The following GPD2 variants were observed in gnomAD, a reference collection of about 807,000 sequenced individuals.
The protein encoded by GPD2 is glycerol-3-phosphate dehydrogenase 2, also known as glycerol-3-phosphate dehydrogenase, mitochondrial.
GPD2 carries 54 observed loss-of-function variants against 82.4 expected under a neutral mutation model. The observed-to-expected ratio is 0.66, with a 90% CI of 0.53 to 0.82. GPD2 has a LOEUF of 0.82. Among genes scored for constraint, GPD2 ranks in the 40% least tolerant of loss-of-function variants. The pLI is 0.00. For missense variants in GPD2, 748 were observed against 896.2 expected (o/e 0.83, Z 2.11); for synonymous variants, 288 against 306.1 (o/e 0.94, Z 0.62).
At chr2:156,574,637 G>A (rs1030088371) in intron 13 of GPD2, among the ~76,000 whole-genome samples, 3 of 151,804 alleles carry the variant, frequency 2.0e-5, no homozygotes, top group African/African-American at 7.3e-5. Flanking sequence ...AAAAATGGGA[G>A]GCATGTGAAG....
chr2:156,581,328 T>A (rs1688016882), intron 16 of GPD2, among the ~76,000 whole-genome samples: 1 of 152,156 alleles, frequency 6.6e-6, no homozygotes, highest in Admixed American at 6.6e-5. Context: ...TCTTGTAATA[T>A]GGTTTCTAGA....
At chr2:156,478,256 C>T (rs543056600) in intron 2 of GPD2, among the ~76,000 whole-genome samples, 2 of 152,214 alleles carry the variant, frequency 1.3e-5, no homozygotes, top group South Asian at 4.2e-4. Context: ...TTTTATCTTT[C>T]CTGAGTTAGA....
intron 6 of GPD2, among the ~76,000 whole-genome samples, chr2:156,541,824 G>GGTTT (rs368922459): frequency 1.2e-5 from 1 of 81,466 alleles, no homozygotes; most frequent in Non-Finnish European, 2.2e-5. Context: ...AATGCTGTTT[G>GGTTT]TTTTTTTTTT....
intron 9 of GPD2, 62 bp downstream of exon 9, chr2:156,557,644 C>G: frequency 1.1e-6 from 1 of 899,718 alleles, no homozygotes; most frequent in Non-Finnish European, 1.9e-6. Context: ...CATTCCAGCT[C>G]TCACTGGATA....
intron 2 of GPD2, among the ~76,000 whole-genome samples, chr2:156,480,811 C>T (rs1175368182): frequency 7.0e-6 from 1 of 142,146 alleles, no homozygotes; most frequent in East Asian, 2.1e-4. Context: ...GAGTTTCACT[C>T]TTGTTGCCCA....
chr2:156,419,383 A>T, the GPD2 span, among the ~76,000 whole-genome samples: 1 of 152,198 alleles, frequency 6.6e-6, no homozygotes, highest in Non-Finnish European at 1.5e-5. Context: ...CTAAGCTCCA[A>T]CAACTGTGAA....
chr2:156,575,147 C>T (rs530449063), intron 13 of GPD2, among the ~76,000 whole-genome samples: 41 of 152,190 alleles, frequency 2.7e-4, no homozygotes, highest in Non-Finnish European at 4.6e-4. Context: ...CTTTAAAATA[C>T]TGTAGCAAAT....
intron 1 of GPD2, among the ~76,000 whole-genome samples, chr2:156,458,416 G>A (rs1450206972): frequency 6.6e-6 from 1 of 152,186 alleles, no homozygotes; most frequent in Non-Finnish European, 1.5e-5. Context: ...AAATCCCCGA[G>A]GGGCTGTAAT....
At chr2:156,416,473 GAGAAGCTA>G in the GPD2 span, among the ~76,000 whole-genome samples, 145 of 149,686 alleles carry the variant, frequency 9.7e-4, no homozygotes, top group African/African-American at 3.4e-3. Flanking sequence ...TCAGTCTCCT[GAGAAGCTA>G]GGACTACAGG....
At chr2:156,581,148 A>C (rs1688009736) in intron 16 of GPD2, among the ~76,000 whole-genome samples, 2 of 152,082 alleles carry the variant, frequency 1.3e-5, no homozygotes, top group South Asian at 4.1e-4. Flanking sequence ...AACTATCTGC[A>C]GGTTTTCTTG....
At chr2:156,409,520 A>ACC in the GPD2 span, among the ~76,000 whole-genome samples, 1 of 150,706 alleles carries the variant, frequency 6.6e-6, no homozygotes, top group African/African-American at 2.4e-5. Context: ...ACATAGGCAG[A>ACC]CCCCCCAACT....
intron 2 of GPD2, among the ~76,000 whole-genome samples, chr2:156,493,869 T>G (rs1684269884): frequency 6.6e-6 from 1 of 152,006 alleles, no homozygotes; most frequent in African/African-American, 2.4e-5. Context: ...CATAGCCTGG[T>G]GTTTTTTTCC....
At chr2:156,535,893 AGAGAGAG>A (rs1236357490) in intron 6 of GPD2, among the ~76,000 whole-genome samples, 1 of 152,240 alleles carries the variant, frequency 6.6e-6, no homozygotes, top group Non-Finnish European at 1.5e-5. Context: ...CAGGTGGAAG[AGAGAGAG>A]GAATAGCCAA....
At chr2:156,571,379 A>G in intron 13 of GPD2, 87 bp downstream of exon 13, 2 of 785,114 alleles carry the variant, frequency 2.5e-6, no homozygotes. Flanking sequence ...GTAGTTTTTG[A>G]TGATAACCTT....
chr2:156,568,025 T>C (rs17266406), intron 9 of GPD2, among the ~76,000 whole-genome samples: 9,891 of 152,010 alleles, frequency 0.065, 746 homozygotes, highest in Admixed American at 0.24. Flanking sequence ...CTAAAAATAA[T>C]GGAATGAGAA....
At chr2:156,429,275 G>C in the GPD2 span, among the ~76,000 whole-genome samples, 1 of 152,116 alleles carries the variant, frequency 6.6e-6, no homozygotes, top group Admixed American at 6.5e-5. Flanking sequence ...TGATAACTAA[G>C]CTTTACTCTG....
At chr2:156,408,711 TAA>T in the GPD2 span, among the ~76,000 whole-genome samples, 20 of 81,994 alleles carry the variant, frequency 2.4e-4, no homozygotes, top group Admixed American at 5.5e-4. Context: ...CTGCACCTGG[TAA>T]AAAAAAAAAA....
At chr2:156,551,946 A>G (rs1332973789) in intron 8 of GPD2, among the ~76,000 whole-genome samples, 1 of 152,170 alleles carries the variant, frequency 6.6e-6, no homozygotes, top group Non-Finnish European at 1.5e-5. Flanking sequence ...ACAGCTTTTA[A>G]TATTTGATAA....
chr2:156,414,500 A>G, the GPD2 span, among the ~76,000 whole-genome samples: 1 of 152,198 alleles, frequency 6.6e-6, no homozygotes, highest in Non-Finnish European at 1.5e-5. Flanking sequence ...ATATATCTAA[A>G]TGTGTTTTTG....
Sources: allele counts gnomAD v4.1 joint callset (sites outside exome capture counted in the v4.1 genomes callset), GRCh38; gene constraint gnomAD v4.1.1; transcripts MANE v1.5; gene names NCBI Gene and HGNC (gene_info 2026-07-23, HGNC 2026-07-21).